Variants in OPCML observed in about 807,000 individuals in gnomAD.
OPCML encodes the protein opioid-binding protein/cell adhesion molecule.
Under a neutral mutation model 37.8 loss-of-function variants are expected in OPCML, and 13 were observed. The ratio of observed to expected loss-of-function variants is 0.34; its 90% CI spans 0.22 to 0.55. The LOEUF is 0.55. Ranked by LOEUF, OPCML falls within the 20% of genes least tolerant of loss-of-function variation. OPCML has a pLI of 0.91. For synonymous variants in OPCML, 176 were observed against 168.8 expected, an observed-to-expected ratio of 1.04 and a Z score of -0.33; for missense variants, 341 against 435.6, an observed-to-expected ratio of 0.78 and a Z score of 1.93.
chr11:132,724,011 C>T (rs1457552374), intron 2 of OPCML, among the ~76,000 whole-genome samples: 2 of 152,014 alleles, frequency 1.3e-5, no homozygotes, highest in Non-Finnish European at 2.9e-5. Context: ...AGAGAACTGC[C>T]CAGTTGTTCT....
At chr11:133,363,718 C>T (rs1028733891) in intron 1 of OPCML, among the ~76,000 whole-genome samples, 13 of 152,110 alleles carry the variant, frequency 8.5e-5, no homozygotes, top group Non-Finnish European at 1.8e-4. Context: ...AAAAGGAATC[C>T]CCCTCCCACT....
chr11:132,765,055 C>T (rs144802153), intron 2 of OPCML, among the ~76,000 whole-genome samples: 17 of 151,906 alleles, frequency 1.1e-4, no homozygotes, highest in African/African-American at 3.4e-4. Flanking sequence ...AGGGAGCTAG[C>T]GTTCGTTTTG....
intron 1 of OPCML, among the ~76,000 whole-genome samples, chr11:133,256,301 C>T (rs918444605): frequency 2.6e-5 from 4 of 152,212 alleles, no homozygotes; most frequent in Non-Finnish European, 2.9e-5. Flanking sequence ...CTCTGTGCTT[C>T]AGTTTTCTTA....
At chr11:132,777,565 A>G (rs1014517895) in intron 2 of OPCML, among the ~76,000 whole-genome samples, 2 of 152,164 alleles carry the variant, frequency 1.3e-5, no homozygotes, top group African/African-American at 4.8e-5. Flanking sequence ...TTTTTATACT[A>G]TGTTGCATAA....
rs143358294 is a variant in OPCML at position 133,529,463 on chromosome 11, G to T, written c.61+2801C>A. Reference sequence around the variant, plus strand: ...AGCATGACAAGTCAGTTGGCCACGGGCCCTCTGCCCTGTCTTGGGTGTGGG... The same window carrying T: ...AGCATGACAAGTCAGTTGGCCACGGTCCCTCTGCCCTGTCTTGGGTGTGGG... On this transcript the variant is annotated intron_variant, in intron 1 of 7. Transcript: ENST00000524381. 3.9e-5 allele frequency among the ~76,000 whole-genome samples: 6 copies of T among 152,332 alleles called. No homozygotes were observed. In the East Asian group the frequency reaches 1.2e-3, roughly 29 times the overall value.
intron 4 of OPCML, among the ~76,000 whole-genome samples, chr11:132,526,800 G>C (rs1022512968): frequency 6.6e-6 from 1 of 151,316 alleles, no homozygotes; most frequent in Non-Finnish European, 1.5e-5. Context: ...TATTAGTTTT[G>C]ACTAATTTTG....
intron 1 of OPCML, among the ~76,000 whole-genome samples, chr11:133,044,625 C>T (rs750910385): frequency 1.3e-5 from 2 of 152,150 alleles, no homozygotes; most frequent in South Asian, 2.1e-4. Flanking sequence ...TTAATCCATA[C>T]CGAATTCTAG....
At chr11:133,392,290 A>G (rs1052877942) in intron 1 of OPCML, among the ~76,000 whole-genome samples, 7 of 152,208 alleles carry the variant, frequency 4.6e-5, no homozygotes, top group African/African-American at 1.4e-4. Context: ...TGAGAGAAGC[A>G]TCCGAGCCAC....
chr11:133,140,914 GA>G (rs1190991750), intron 1 of OPCML, among the ~76,000 whole-genome samples: 4 of 23,410 alleles, frequency 1.7e-4, no homozygotes, highest in African/African-American at 3.1e-4. Flanking sequence ...CGACGAAGAA[GA>G]AGAAGACGAC....
At chr11:132,511,250 C>T (rs1365429724) in intron 4 of OPCML, among the ~76,000 whole-genome samples, 1 of 151,942 alleles carries the variant, frequency 6.6e-6, no homozygotes, top group Admixed American at 6.6e-5. Context: ...CACTGAAAGC[C>T]ATAAAACACT....
chr11:132,779,759 C>G (rs565006037), intron 2 of OPCML, among the ~76,000 whole-genome samples: 1 of 152,122 alleles, frequency 6.6e-6, no homozygotes, highest in Non-Finnish European at 1.5e-5. Flanking sequence ...CAGTGGCAGA[C>G]TTTGCCACCA....
chr11:132,627,484 C>T (rs1939818935), intron 3 of OPCML, among the ~76,000 whole-genome samples: 1 of 152,198 alleles, frequency 6.6e-6, no homozygotes, highest in Admixed American at 6.5e-5. Flanking sequence ...TGCACTTGCA[C>T]AGTTTACACT....
intron 1 of OPCML, among the ~76,000 whole-genome samples, chr11:133,322,007 G>A (rs752268795): frequency 1.1e-4 from 17 of 152,244 alleles, no homozygotes; most frequent in East Asian, 7.7e-4. Flanking sequence ...GTGGGAACAC[G>A]CAACACATGC....
intron 1 of OPCML, among the ~76,000 whole-genome samples, chr11:133,117,442 T>C (rs1949354098): frequency 6.6e-6 from 1 of 152,226 alleles, no homozygotes; most frequent in Admixed American, 6.5e-5. Flanking sequence ...TCCCATAGAC[T>C]AGCACTGAGC....
chr11:132,680,464 T>G (rs1448475427), intron 2 of OPCML, among the ~76,000 whole-genome samples: 2 of 152,132 alleles, frequency 1.3e-5, no homozygotes, highest in Non-Finnish European at 2.9e-5. Flanking sequence ...TTTGCCCACG[T>G]GAAGACAGAT....
At chr11:132,859,310 C>G (rs1942194998) in intron 2 of OPCML, 1 of 152,096 alleles carries the variant, frequency 6.6e-6, no homozygotes, top group Non-Finnish European at 1.5e-5. Context: ...TTCAGAGGTG[C>G]GAGTTCTCAA....
At chr11:133,070,359 C>T (rs746312642) in intron 1 of OPCML, among the ~76,000 whole-genome samples, 7 of 152,262 alleles carry the variant, frequency 4.6e-5, no homozygotes, top group South Asian at 2.1e-4. Flanking sequence ...CTAAAGCTCC[C>T]GGAACCCCCT....
chr11:132,696,335 A>G (rs1943597657), intron 2 of OPCML, among the ~76,000 whole-genome samples: 1 of 152,198 alleles, frequency 6.6e-6, no homozygotes, highest in Non-Finnish European at 1.5e-5. Flanking sequence ...ATGAAATCCT[A>G]TTCCAGTGCC....
At chr11:132,473,988 T>C (rs2096146399) in intron 4 of OPCML, among the ~76,000 whole-genome samples, 1 of 152,094 alleles carries the variant, frequency 6.6e-6, no homozygotes, top group Non-Finnish European at 1.5e-5. Flanking sequence ...TCAGTGAACT[T>C]GCCAGGCCTC....
Sources: gnomAD v4.1 joint callset for allele counts (sites outside exome capture counted in the v4.1 genomes callset) on GRCh38, gnomAD v4.1.1 for gene constraint, MANE v1.5 for transcripts, NCBI Gene and HGNC (gene_info 2026-07-23, HGNC 2026-07-21) for gene names.